The following SCUBE3 variants were observed in gnomAD, a reference collection of about 807,000 sequenced individuals.
The protein encoded by SCUBE3 is signal peptide, CUB domain and EGF like domain containing 3, also known as signal peptide, CUB and EGF-like domain-containing protein 3.
SCUBE3 carries 33 observed loss-of-function variants against 116.8 expected under a neutral mutation model. That is an observed-to-expected ratio of 0.28 (90% confidence interval 0.21 to 0.38). The LOEUF is 0.38. SCUBE3 is among the 10% of genes least tolerant of loss of function. SCUBE3 has a pLI of 1.00. For missense variants in SCUBE3, 1,007 were observed against 1,324.8 expected (o/e 0.76, Z 3.72); for synonymous variants, 418 against 496.9 (o/e 0.84, Z 2.11).
In SCUBE3 at chr6:35,244,876, G is replaced by A; in HGVS notation, c.2401+65G>A. 1 of 1,534,110 alleles carries A rather than the reference G, an allele frequency of 6.5e-7. No individual in the cohort carries two copies. Among genetic ancestry groups the A allele is most frequent in the South Asian group, 1.2e-5 (1 of 86,952 alleles). On this transcript the variant is annotated intron_variant, in intron 18 of 21. Transcript: ENST00000274938. This position sits in a 1 kb window ranked among gnomAD's most constrained non-coding sequence, Gnocchi z 4.3. ...GCCTGGGAGCAGTGGACATCTAAAG[G>A]AGGGGTGTGAAACCAACAGGGAGCA...
Position 35,227,511 on chromosome 6 carries a change from G to A in SCUBE3, c.86-69G>A. The stretch of plus-strand genomic sequence containing the variant: ...AGAAGAGGGGATTCTGCCCTTGGAA[G>A]CCCACCTTCAAGACACCCCTTAAGA... On this transcript the variant is annotated intron_variant, in intron 1 of 21. Coordinates refer to ENST00000274938, the MANE Select transcript of SCUBE3 (RefSeq NM_152753.4). The A allele has an allele frequency of 1.9e-6, 3 of 1,575,046 alleles. No homozygotes were observed. The South Asian group carries it at 3.3e-5, about 17-fold the overall frequency.
chr6:35,215,973 G>A (rs1782875288), intron 1 of SCUBE3, among the ~76,000 whole-genome samples: 1 of 152,234 alleles, frequency 6.6e-6, no homozygotes, highest in South Asian at 2.1e-4. Context: ...TTTGTAGTGT[G>A]TGCTGACTTA....
Position 35,244,022 on chromosome 6 carries a change from C to A in SCUBE3, c.2131C>A (p.Arg711Ser). ...GTTCAAGCCCTGTCAGCCATGCCCACGTGGCACCTACCAACCTGAAGCAGG... is the reference window on the plus strand; with the variant it reads ...GTTCAAGCCCTGTCAGCCATGCCCAAGTGGCACCTACCAACCTGAAGCAGG... ...DGFKPCQPCP[R>S]GTYQPEAGRT... The change falls in exon 17 of 22, where the codon CGT becomes AGT. Residue 711 changes from arginine (R) to serine (S), a missense_variant. By Grantham distance (110) the Arg-to-Ser change is moderately radical. Coordinates refer to ENST00000274938, the MANE Select transcript of SCUBE3 (RefSeq NM_152753.4). This position sits in a 1 kb window ranked among gnomAD's most constrained non-coding sequence, Gnocchi z 4.3. 6.2e-7 allele frequency: 1 copy of A among 1,614,134 alleles called. No homozygotes were observed. The highest frequency in any genetic ancestry group is 8.5e-7 in the Non-Finnish European group (1 of 1,179,982).
In SCUBE3 at chr6:35,214,889, A is replaced by G. The variant is rs1373954225; in HGVS notation, c.85+386A>G. Among the ~76,000 whole-genome samples, 1 of 152,244 alleles carries G rather than the reference A, an allele frequency of 6.6e-6. No homozygotes were observed. The highest frequency in any genetic ancestry group is 1.9e-4 in the East Asian group (1 of 5,198). On this transcript the variant is annotated intron_variant, in intron 1 of 21. Coordinates refer to ENST00000274938, the MANE Select transcript of SCUBE3 (RefSeq NM_152753.4). This position sits in a 1 kb window ranked among gnomAD's most constrained non-coding sequence, Gnocchi z 6.3. Reference sequence around the variant, plus strand: ...GCTGTGGCCTGGAGAGACTGAGGGAATAATGAAAACTTTTCAGCCGTGCCG... The same window carrying G: ...GCTGTGGCCTGGAGAGACTGAGGGAGTAATGAAAACTTTTCAGCCGTGCCG...
Position 35,248,083 on chromosome 6 carries a change from A to G in SCUBE3, c.2833-473A>G, listed in dbSNP as rs1000107771. ...GCCAATGAGTGATAAAAGAAACCAGAGAAGAGTTTCAAACAGGAAAAAGAT... is the reference window on the plus strand; with the variant it reads ...GCCAATGAGTGATAAAAGAAACCAGGGAAGAGTTTCAAACAGGAAAAAGAT... On this transcript the variant is annotated intron_variant, in intron 21 of 21. Transcript: ENST00000274938. Among the ~76,000 whole-genome samples the G allele has an allele frequency of 5.3e-5, 8 of 152,260 alleles. No individual in the cohort carries two copies. The East Asian group carries it at 1.5e-3, about 29-fold the overall frequency.
In SCUBE3 at chr6:35,231,145, A is replaced by G. The variant is rs1783532283; in HGVS notation, c.335-580A>G. On this transcript the variant is annotated intron_variant, in intron 3 of 21. Transcript: ENST00000274938. The surrounding 1 kb of genome is among the most constrained non-coding windows in gnomAD (Gnocchi z 4.2). ...AGGGAATATGGCAGCAAGCCCAGGC[A>G]CAGGGGGGAGGGGAGGAAGGACAGG... is the stretch of plus-strand genomic sequence containing the variant. Among the ~76,000 whole-genome samples, 5 of 152,114 alleles carry G rather than the reference A, an allele frequency of 3.3e-5. No individual in the cohort carries two copies. The highest frequency in any genetic ancestry group is 1.3e-4 in the Admixed American group (2 of 15,282).
chr6:35,226,526 A>T (rs182494656), intron 1 of SCUBE3, among the ~76,000 whole-genome samples: 1 of 108,090 alleles, frequency 9.3e-6, no homozygotes, highest in East Asian at 3.4e-4. Flanking sequence ...ACTGTCGCCC[A>T]GGCTGGAGTG....
rs751846919 is a variant in SCUBE3, at chr6:35,232,870, A to G, written c.490A>G (p.Lys164Glu). The G allele has an allele frequency of 3.1e-6, 5 of 1,614,186 alleles. No individual in the cohort carries two copies. Among genetic ancestry groups the G allele is most frequent in the Non-Finnish European group, 8.5e-7 (1 of 1,179,996 alleles). ...TTTAGAAGGAATGAATTGCATGAAC[A>G]AGAACCACGGCTGTGCCCACATTTG... ...RPEEGMNCMN[K>E]NHGCAHICRE... The change falls in exon 5 of 22, where the codon AAG becomes GAG. Residue 164 changes from lysine to glutamate, a missense_variant. By Grantham distance (56) the Lys-to-Glu change is moderately conservative. Around this residue, in one of 5 missense-constraint regions of SCUBE3, gnomAD observed 214 missense variants for 316.7 expected, o/e 0.68. Transcript: ENST00000274938. This position sits in a 1 kb window ranked among gnomAD's most constrained non-coding sequence, Gnocchi z 4.2.
intron 6 of SCUBE3, among the ~76,000 whole-genome samples, chr6:35,234,162 A>T (rs1439737283): frequency 1.3e-5 from 2 of 152,084 alleles, no homozygotes; most frequent in African/African-American, 2.4e-5. Flanking sequence ...TTCCCCTTGG[A>T]GAAGGGGGAA....
At position 35,233,879 on chromosome 6, in the gene SCUBE3, T is replaced by C. The variant is rs1387967756; in HGVS notation, c.712+578T>C. 6.6e-6 allele frequency among the ~76,000 whole-genome samples: 1 copy of C among 152,042 alleles called. No individual in the cohort carries two copies. The highest frequency in any genetic ancestry group is 1.5e-5 in the Non-Finnish European group (1 of 67,990). On this transcript the variant is annotated intron_variant, in intron 6 of 21. Coordinates refer to ENST00000274938, the MANE Select transcript of SCUBE3 (RefSeq NM_152753.4). The surrounding 1 kb of genome is among the most constrained non-coding windows in gnomAD (Gnocchi z 5.7). ...CCTGCAACTCCCCTTTCTACTCACC[T>C]CACCTTACCCCCCATTTCCTTCTCT...
intron 1 of SCUBE3, among the ~76,000 whole-genome samples, chr6:35,218,808 T>G (rs966510106): frequency 3.9e-5 from 6 of 152,136 alleles, no homozygotes; most frequent in African/African-American, 1.4e-4. Context: ...CTCCTGTTCC[T>G]ATGCCCACCC....
intron 1 of SCUBE3, 80 bp from the exon 2 acceptor site, chr6:35,227,500 T>C (rs924262948): frequency 6.7e-6 from 10 of 1,493,202 alleles, no homozygotes; most frequent in Non-Finnish European, 9.3e-6. Flanking sequence ...GAGGGGATTC[T>C]GCCCTTGGAA....
At chr6:35,242,414 T>A (rs1459298353) in intron 13 of SCUBE3, 94 bp downstream of exon 13, 1 of 1,031,708 alleles carries the variant, frequency 9.7e-7, no homozygotes, top group Admixed American at 1.8e-5. Flanking sequence ...ACCAGAACCC[T>A]GAACTCTAGG....
At position 35,245,745 on chromosome 6, in the gene SCUBE3, G is replaced by T. The variant is rs1408527584; in HGVS notation, c.2600-199G>T. On this transcript the variant is annotated intron_variant, in intron 19 of 21. Transcript: ENST00000274938. This position sits in a 1 kb window ranked among gnomAD's most constrained non-coding sequence, Gnocchi z 4.2. The stretch of plus-strand genomic sequence containing the variant: ...TTTATTACACTATGTGAGTGCCCAG[G>T]TATCAAGGAGGAATTGTGGAATGAG... Among the ~76,000 whole-genome samples, 2 of 152,156 alleles carry T rather than the reference G, an allele frequency of 1.3e-5. No homozygotes were observed. Among genetic ancestry groups the T allele is most frequent in the East Asian group, 3.9e-4 (2 of 5,190 alleles).
chr6:35,237,857 C>T, intron 6 of SCUBE3, 45 bp from the exon 7 acceptor site: 1 of 1,267,214 alleles, frequency 7.9e-7, no homozygotes, highest in Non-Finnish European at 1.1e-6. Flanking sequence ...GGGACTCCTC[C>T]AGGCTTGTAA....
At position 35,228,159 on chromosome 6, in the gene SCUBE3, G is replaced by A. The variant is rs544778284; in HGVS notation, c.209-455G>A. ...TAAATTTATGAGCTTCAGTGTTGGT[G>A]AGACTTTAGTGGACAGGGTACACTT... On this transcript the variant is annotated intron_variant, in intron 2 of 21. Coordinates refer to ENST00000274938, the MANE Select transcript of SCUBE3 (RefSeq NM_152753.4). The surrounding 1 kb of genome is among the most constrained non-coding windows in gnomAD (Gnocchi z 4.9). Among the ~76,000 whole-genome samples, 1 of 152,342 alleles carries A rather than the reference G, an allele frequency of 6.6e-6. No individual in the cohort carries two copies. The highest frequency in any genetic ancestry group is 6.5e-5 in the Admixed American group (1 of 15,306).
At chr6:35,242,455 A>G in intron 13 of SCUBE3, 135 bp downstream of exon 13, 1 of 905,162 alleles carries the variant, frequency 1.1e-6, no homozygotes, top group South Asian at 1.5e-5. Context: ...CTGTAGGCAT[A>G]GCACCCAAGG....
rs932285541 is a variant in SCUBE3 at position 35,233,024 on chromosome 6, CAT to C, written c.595+51_595+52del. 12 of 1,605,776 alleles carry C rather than the reference CAT, an allele frequency of 7.5e-6. No individual in the cohort carries two copies. In the African/African-American group the frequency reaches 1.6e-4, roughly 22 times the overall value. ...GGGGCAGTGGGGTCGGGGGTGAAAA[CAT>C]AGAGGAAGGGTATAGGGCTTCAGGA... On this transcript the variant is annotated intron_variant, in intron 5 of 21. Coordinates refer to ENST00000274938, the MANE Select transcript of SCUBE3 (RefSeq NM_152753.4). This position sits in a 1 kb window ranked among gnomAD's most constrained non-coding sequence, Gnocchi z 5.7.
chr6:35,231,628 T>C lies in SCUBE3; in HGVS notation c.335-97T>C. 1 of 1,042,762 alleles carries C rather than the reference T, an allele frequency of 9.6e-7. No homozygotes were observed. The highest frequency in any genetic ancestry group is 1.4e-6 in the Non-Finnish European group (1 of 737,976). The allele number at this position is 1,042,762 out of a possible 1,614,324, so 64.6% of individuals were successfully genotyped here. On this transcript the variant is annotated intron_variant, in intron 3 of 21. Coordinates refer to ENST00000274938, the MANE Select transcript of SCUBE3 (RefSeq NM_152753.4). The surrounding 1 kb of genome is among the most constrained non-coding windows in gnomAD (Gnocchi z 4.2). The stretch of plus-strand genomic sequence containing the variant: ...CTGGCTTAAGGCTGGGCTTAGGGGG[T>C]AGTAGTTCTTAAGACTGCCTTTGGT...
Sources: gnomAD v4.1 joint callset for allele counts (sites outside exome capture counted in the v4.1 genomes callset) on GRCh38, gnomAD v4.1.1 for gene constraint, gnomAD v4.1.1 regional missense constraint, Gnocchi (gnomAD v3.1) non-coding constraint, MANE v1.5 for transcripts, NCBI Gene and HGNC (gene_info 2026-07-23, HGNC 2026-07-21) for gene names.